ZCCHC24: variants seen among roughly 807,000 people sequenced by gnomAD.
ZCCHC24 encodes zinc finger CCHC domain-containing protein 24.
Under a neutral mutation model 26.2 loss-of-function variants are expected in ZCCHC24, and 10 were observed. The observed-to-expected ratio is 0.38, with a 90% CI of 0.24 to 0.65. The LOEUF (loss-of-function observed/expected upper bound fraction) is 0.65. Among genes scored for constraint, ZCCHC24 ranks in the 30% least tolerant of loss-of-function variants. The probability of loss-of-function intolerance (pLI) is 0.54; values close to 1 mark genes in which losing one functional copy is unlikely to be tolerated. For missense variants in ZCCHC24, 243 were observed against 329.1 expected (o/e 0.74, Z 2.03); for synonymous variants, 144 against 147.1 (o/e 0.98, Z 0.15).
intron 2 of ZCCHC24, among the ~76,000 whole-genome samples, chr10:79,405,572 T>C (rs1403199159): frequency 6.6e-6 from 1 of 152,222 alleles, no homozygotes; most frequent in Non-Finnish European, 1.5e-5. Context: ...GCAGCGCCAT[T>C]TGCACAGGGC....
chr10:79,390,099 G>T (rs1003846204), intron 3 of ZCCHC24, among the ~76,000 whole-genome samples: 34 of 152,160 alleles, frequency 2.2e-4, no homozygotes, highest in African/African-American at 8.2e-4. Context: ...TTGAACTCCT[G>T]GGCTCAAGCA....
intron 1 of ZCCHC24, among the ~76,000 whole-genome samples, chr10:79,438,563 G>A (rs895216618): frequency 1.1e-4 from 16 of 152,150 alleles, no homozygotes; most frequent in African/African-American, 3.6e-4. Flanking sequence ...GGCTGGCCAC[G>A]ACAGGCACAG....
intron 2 of ZCCHC24, among the ~76,000 whole-genome samples, chr10:79,429,663 C>T (rs1275584859): frequency 2.6e-5 from 4 of 152,160 alleles, no homozygotes; most frequent in Non-Finnish European, 4.4e-5. Flanking sequence ...ATTGAGGTGA[C>T]AGCTGCACAA....
rs148595380 is a variant in ZCCHC24 at position 79,439,894 on chromosome 10, T to C, written c.246+5301A>G. On this transcript the variant is annotated intron_variant, in intron 1 of 3. Transcript: ENST00000372336. ...AGGTCTGCTCCCAGTGGCAGCCAAG[T>C]AAAACCCCTCAGAGAAAGGACATCC... Among the ~76,000 whole-genome samples, 81 of 151,922 alleles carry C rather than the reference T, an allele frequency of 5.3e-4. 1 individual carries two copies. The highest frequency in any genetic ancestry group is 1.8e-3 in the African/African-American group (75 of 41,388).
At chr10:79,407,070 C>T (rs1284602307) in intron 2 of ZCCHC24, among the ~76,000 whole-genome samples, 4 of 152,254 alleles carry the variant, frequency 2.6e-5, no homozygotes, top group Non-Finnish European at 5.9e-5. Flanking sequence ...TCTTGTCACT[C>T]TCTGTGCCAC....
chr10:79,427,232 C>T (rs1453827148), intron 2 of ZCCHC24, among the ~76,000 whole-genome samples: 1 of 152,080 alleles, frequency 6.6e-6, no homozygotes, highest in Non-Finnish European at 1.5e-5. Context: ...AATAGACAAA[C>T]AATAATTTCT....
At chr10:79,388,242 G>A (rs1168743276) in intron 3 of ZCCHC24, among the ~76,000 whole-genome samples, 2 of 152,174 alleles carry the variant, frequency 1.3e-5, no homozygotes, top group Non-Finnish European at 2.9e-5. Context: ...GAAGCTGTCT[G>A]TCGTTTGTCT....
intron 1 of ZCCHC24, among the ~76,000 whole-genome samples, chr10:79,440,800 C>T (rs7086754): frequency 0.6 from 90,812 of 151,940 alleles, 27,507 homozygotes; most frequent in African/African-American, 0.7. Flanking sequence ...CTGCTGCTGC[C>T]ACTTACTGAT....
chr10:79,409,374 C>T (rs918226299), intron 2 of ZCCHC24: 17 of 152,342 alleles, frequency 1.1e-4, no homozygotes, highest in Non-Finnish European at 2.2e-4. Context: ...CCCTGCCCTC[C>T]AGGGACCCCC....
intron 2 of ZCCHC24, among the ~76,000 whole-genome samples, chr10:79,413,067 T>A (rs1238738710): frequency 6.6e-6 from 1 of 152,230 alleles, no homozygotes; most frequent in Non-Finnish European, 1.5e-5. Flanking sequence ...AAGGATTATA[T>A]GGAAGTCTAC....
chr10:79,411,788 C>A (rs916811552), intron 2 of ZCCHC24, among the ~76,000 whole-genome samples: 2 of 152,108 alleles, frequency 1.3e-5, no homozygotes, highest in Non-Finnish European at 2.9e-5. Flanking sequence ...CAGGAGACCT[C>A]CAGGAGGCCT....
intron 3 of ZCCHC24, among the ~76,000 whole-genome samples, chr10:79,391,876 CT>C (rs1564631714): frequency 6.6e-6 from 1 of 151,458 alleles, no homozygotes; most frequent in African/African-American, 2.4e-5. Context: ...CATCCCACCC[CT>C]GGCTCCTCCA....
chr10:79,396,600 C>G (rs1238334737), intron 2 of ZCCHC24, among the ~76,000 whole-genome samples: 2 of 152,230 alleles, frequency 1.3e-5, no homozygotes, highest in Non-Finnish European at 2.9e-5. Context: ...GGTCCCCGGA[C>G]CAACAGCGAC....
Position 79,384,804 on chromosome 10 carries a change from A to G in ZCCHC24, c.*1541T>C. On this transcript the variant is annotated 3_prime_UTR_variant, in exon 4 of 4. Coordinates refer to ENST00000372336, the MANE Select transcript of ZCCHC24 (RefSeq NM_153367.4). The stretch of plus-strand genomic sequence containing the variant: ...ATGGTAAACACTGAATTTCAGGCTC[A>G]TTTCTTGGTCTGATTTTTTTTTTTT... 6.9e-6 allele frequency: 1 copy of G among 144,208 alleles called. No homozygotes were observed. Among genetic ancestry groups the G allele is most frequent in the East Asian group, 2.1e-4 (1 of 4,762 alleles). The allele number at this position is 144,208 out of a possible 1,614,324, so 8.9% of individuals were successfully genotyped here.
intron 3 of ZCCHC24, among the ~76,000 whole-genome samples, chr10:79,392,121 A>G (rs1271643944): frequency 6.6e-6 from 1 of 151,594 alleles, no homozygotes; most frequent in African/African-American, 2.4e-5. Flanking sequence ...TCATACTTTT[A>G]CAAATAGGCC....
At chr10:79,433,272 C>T (rs1259821111) in intron 1 of ZCCHC24, among the ~76,000 whole-genome samples, 1 of 152,214 alleles carries the variant, frequency 6.6e-6, no homozygotes, top group Non-Finnish European at 1.5e-5. Flanking sequence ...GCATTGCTCC[C>T]GCTTCACACT....
At chr10:79,388,957 C>T (rs1445559618) in intron 3 of ZCCHC24, among the ~76,000 whole-genome samples, 3 of 152,192 alleles carry the variant, frequency 2.0e-5, no homozygotes, top group Non-Finnish European at 4.4e-5. Flanking sequence ...TGTTTCCAAG[C>T]CCTGCACTGC....
At chr10:79,444,030 C>T in intron 1 of ZCCHC24, 1 of 1,469,230 alleles carries the variant, frequency 6.8e-7, no homozygotes, top group Non-Finnish European at 9.0e-7. Context: ...CCTCTCTTAC[C>T]CCCAGCACAC....
chr10:79,388,301 C>G (rs928906616), intron 3 of ZCCHC24, among the ~76,000 whole-genome samples: 2 of 152,158 alleles, frequency 1.3e-5, no homozygotes, highest in Admixed American at 1.3e-4. Context: ...CAAAATTAAG[C>G]CAAGATCCCA....
Sources: gnomAD v4.1 joint callset for allele counts (sites outside exome capture counted in the v4.1 genomes callset) on GRCh38, gnomAD v4.1.1 for gene constraint, MANE v1.5 for transcripts, NCBI Gene and HGNC (gene_info 2026-07-23, HGNC 2026-07-21) for gene names.